The following SLC35F2 variants were observed in gnomAD, a reference collection of about 807,000 sequenced individuals.
SLC35F2 encodes the protein queuine/queuosine transporter SLC35F2.
Under a neutral mutation model 38.1 loss-of-function variants are expected in SLC35F2, and 25 were observed. The ratio of observed to expected loss-of-function variants is 0.66; its 90% confidence interval spans 0.48 to 0.92. The LOEUF (loss-of-function observed/expected upper bound fraction) is 0.92. Among genes scored for constraint, SLC35F2 ranks in the 40% least tolerant of loss-of-function variants. SLC35F2 has a pLI of 0.00. For synonymous variants in SLC35F2, 173 were observed against 181.7 expected (o/e 0.95, Z 0.38); for missense variants, 409 against 452.9 (o/e 0.90, Z 0.88).
intron 7 of SLC35F2, among the ~76,000 whole-genome samples, chr11:107,793,114 T>G (rs1043079970): frequency 6.6e-6 from 1 of 152,048 alleles, no homozygotes; most frequent in Non-Finnish European, 1.5e-5. Flanking sequence ...ACGGGGTTTT[T>G]CCATGTTGCC....
At chr11:107,847,477 C>T (rs1362237448) in intron 1 of SLC35F2, among the ~76,000 whole-genome samples, 1 of 152,120 alleles carries the variant, frequency 6.6e-6, no homozygotes, top group Non-Finnish European at 1.5e-5. Flanking sequence ...CAGAAATAGC[C>T]TAATTTTTAT....
At chr11:107,853,763 A>G (rs1860230938) in intron 1 of SLC35F2, among the ~76,000 whole-genome samples, 1 of 150,792 alleles carries the variant, frequency 6.6e-6, no homozygotes, top group Non-Finnish European at 1.5e-5. Context: ...TGAATAAACC[A>G]TGTCCAGCAC....
chr11:107,796,707 C>T (rs1444389433), intron 7 of SLC35F2, among the ~76,000 whole-genome samples: 1 of 152,102 alleles, frequency 6.6e-6, no homozygotes, highest in Non-Finnish European at 1.5e-5. Context: ...CTGGCTCTGT[C>T]ACCCAGGCTG....
chr11:107,812,660 C>T (rs1041534435), intron 2 of SLC35F2, among the ~76,000 whole-genome samples: 1 of 152,178 alleles, frequency 6.6e-6, no homozygotes, highest in Non-Finnish European at 1.5e-5. Flanking sequence ...GCACATTCTG[C>T]ACATGTATGC....
chr11:107,818,078 AAGAAAG>A (rs1249150062), intron 1 of SLC35F2, among the ~76,000 whole-genome samples: 1 of 97,288 alleles, frequency 1.0e-5, no homozygotes, highest in South Asian at 3.5e-4. Context: ...AAAAAAAAGA[AAGAAAG>A]AAAGAAAGAA....
At chr11:107,847,042 G>C (rs1332012223) in intron 1 of SLC35F2, among the ~76,000 whole-genome samples, 2 of 152,042 alleles carry the variant, frequency 1.3e-5, no homozygotes, top group Non-Finnish European at 2.9e-5. Flanking sequence ...GTAAATAATG[G>C]CATAGGTTTT....
At chr11:107,815,559 A>G (rs1859557795) in intron 2 of SLC35F2, among the ~76,000 whole-genome samples, 1 of 151,826 alleles carries the variant, frequency 6.6e-6, no homozygotes, top group South Asian at 2.1e-4. Context: ...CCCTGTCTCA[A>G]AAACAAACAA....
chr11:107,842,194 G>GGCGGAAGTT, intron 1 of SLC35F2, among the ~76,000 whole-genome samples: 1 of 138,798 alleles, frequency 7.2e-6, no homozygotes, highest in Non-Finnish European at 1.5e-5. Context: ...GAAACTGGGA[G>GGCGGAAGTT]GCAGTGAGGC....
At chr11:107,857,107 A>AGAAGGAAGGGAG (rs145968710) in intron 1 of SLC35F2, among the ~76,000 whole-genome samples, 19 of 120,794 alleles carry the variant, frequency 1.6e-4, no homozygotes, top group African/African-American at 4.6e-4. Flanking sequence ...GTCACCCAGC[A>AGAAGGAAGGGAG]GAAGGAAGGG....
chr11:107,823,361 G>A (rs1859705267), intron 1 of SLC35F2, among the ~76,000 whole-genome samples: 1 of 152,060 alleles, frequency 6.6e-6, no homozygotes, highest in African/African-American at 2.4e-5. Context: ...GTGCTGCTAG[G>A]TTGCATGTTG....
At chr11:107,843,750 G>C (rs1309807109) in intron 1 of SLC35F2, among the ~76,000 whole-genome samples, 3 of 148,980 alleles carry the variant, frequency 2.0e-5, no homozygotes, top group Admixed American at 1.3e-4. Flanking sequence ...CTACTCTGGA[G>C]GCCAAGGCAG....
At chr11:107,821,523 A>G (rs928043957) in intron 1 of SLC35F2, 18 of 985,318 alleles carry the variant, frequency 1.8e-5, no homozygotes, top group Non-Finnish European at 1.7e-5. Flanking sequence ...TCAAACTTAT[A>G]GACACTGAAG....
In SLC35F2 at chr11:107,805,384, C is replaced by A. The variant is rs763890730; in HGVS notation, c.706G>T (p.Gly236Ter). The A allele has an allele frequency of 1.2e-6, 2 of 1,613,820 alleles. No homozygotes were observed. Among genetic ancestry groups the A allele is most frequent in the South Asian group, 2.2e-5 (2 of 91,038 alleles). ...AGCTGTATACCACTGATAATTGTTC[C>A]AAACAGGCCCACCATTCCTAAAAAC... ...QEFLGMVGLFGTIISGIQLLI... is the reference protein window; with the variant it reads ...QEFLGMVGLF Residue 236 changes from glycine to a stop codon, truncating the protein, a stop_gained, in exon 5 of 8, where the codon GGA becomes TGA. Coordinates refer to ENST00000525815, the MANE Select transcript of SLC35F2 (RefSeq NM_017515.5). LOFTEE classifies it high-confidence loss of function.
intron 1 of SLC35F2, among the ~76,000 whole-genome samples, chr11:107,844,254 T>C (rs76308463): frequency 0.024 from 3,646 of 152,222 alleles, 51 homozygotes; most frequent in Non-Finnish European, 0.041. Flanking sequence ...TAGGCAAAAT[T>C]ACCTCACCTC....
At chr11:107,851,133 C>T (rs1348812763) in intron 1 of SLC35F2, among the ~76,000 whole-genome samples, 4 of 150,934 alleles carry the variant, frequency 2.7e-5, no homozygotes, top group Non-Finnish European at 4.4e-5. Context: ...AGTGGTGGCA[C>T]GTGCCTGTAG....
At chr11:107,822,042 A>T (rs539457256) in intron 1 of SLC35F2, among the ~76,000 whole-genome samples, 10 of 152,380 alleles carry the variant, frequency 6.6e-5, no homozygotes, top group African/African-American at 2.4e-4. Context: ...GTTCAAGACC[A>T]GCCTGGCCAA....
In SLC35F2 at chr11:107,810,542, TTAGTGA is replaced by T. The variant is rs539724337; in HGVS notation, c.414+1119_414+1124del. On this transcript the variant is annotated intron_variant, in intron 3 of 7. Transcript: ENST00000525815. ...AACGCTAAAAGTACACTTACTCCTA[TTAGTGA>T]TAAACTTCATTCTCTAGGTAACTGC... 940 of 985,382 alleles carry T rather than the reference TTAGTGA, an allele frequency of 9.5e-4. 9 individuals carry two copies. The African/African-American group carries it at 0.015, about 15-fold the overall frequency. 61.0% of individuals were successfully genotyped at this position (985,382 alleles called of 1,614,324 possible). A position where few individuals can be genotyped will look rare whatever the true frequency, so the allele number is the denominator to read the frequency against.
intron 4 of SLC35F2, among the ~76,000 whole-genome samples, chr11:107,806,267 T>C (rs1189817238): frequency 6.6e-6 from 1 of 152,216 alleles, no homozygotes; most frequent in Non-Finnish European, 1.5e-5. Flanking sequence ...AAGGGGTAGG[T>C]CAATTTGAAA....
At chr11:107,798,607 C>T (rs1267752403) in intron 7 of SLC35F2, among the ~76,000 whole-genome samples, 1 of 152,140 alleles carries the variant, frequency 6.6e-6, no homozygotes, top group Admixed American at 6.5e-5. Context: ...CTTTATTCAG[C>T]AAATATTCAC....
Sources: allele counts gnomAD v4.1 joint callset (sites outside exome capture counted in the v4.1 genomes callset), GRCh38; gene constraint gnomAD v4.1.1; transcripts MANE v1.5; gene names NCBI Gene and HGNC (gene_info 2026-07-23, HGNC 2026-07-21).